Variants in TUBA8 observed in about 807,000 individuals in gnomAD.
TUBA8 encodes the protein tubulin alpha 8, also known as tubulin alpha-8 chain.
TUBA8 carries 29 observed loss-of-function variants against 34.7 expected under a neutral mutation model. The observed-to-expected ratio is 0.84, with a 90% CI of 0.62 to 1.14. The LOEUF is 1.14. Ranked by LOEUF, TUBA8 falls within the 50% of genes most tolerant of loss-of-function variation. The pLI is 0.00. For missense variants in TUBA8, 541 were observed against 599.2 expected (o/e 0.90, Z 1.01); for synonymous variants, 226 against 231.2 (o/e 0.98, Z 0.21).
At position 18,118,272 on chromosome 22, in the gene TUBA8, T is replaced by A. The variant is rs1928037479; in HGVS notation, c.4-3207T>A. ...AATCTATTATTCGGTCCACATTGCTTAGCAGACATTCTTCAATTAAAGAAA... is the reference window on the plus strand; with the variant it reads ...AATCTATTATTCGGTCCACATTGCTAAGCAGACATTCTTCAATTAAAGAAA... On this transcript the variant is annotated intron_variant, in intron 1 of 4. Coordinates refer to ENST00000330423, the MANE Select transcript of TUBA8 (RefSeq NM_018943.3). This position sits in a 1 kb window ranked among gnomAD's most constrained non-coding sequence, Gnocchi z 4.0. The A allele has an allele frequency of 6.6e-6, 1 of 152,210 alleles. No individual in the cohort carries two copies. Among genetic ancestry groups the A allele is most frequent in the African/African-American group, 2.4e-5 (1 of 41,432 alleles). 9.4% of individuals were successfully genotyped at this position (152,210 alleles called of 1,614,324 possible).
rs913310733 is a variant in TUBA8 at position 18,121,708 on chromosome 22, G to T, written c.226+7G>T. On this transcript the variant is annotated splice_region_variant and intron_variant, in intron 2 of 4. Transcript: ENST00000330423. The surrounding 1 kb of genome is among the most constrained non-coding windows in gnomAD (Gnocchi z 4.8). ...CTGGAGCCTACTGTAGTGGGTGAGT[G>T]GGGGCGGAGTTCCCCTCCACAGAGA... 2 of 1,613,302 alleles carry T rather than the reference G, an allele frequency of 1.2e-6. No homozygotes were observed. Among genetic ancestry groups the T allele is most frequent in the Non-Finnish European group, 1.7e-6 (2 of 1,179,458 alleles).
rs1446520468 is a variant in TUBA8 at position 18,122,639 on chromosome 22, C to T, written c.226+938C>T. ...GCTCTTGCTCCTCTATGACTTGGAA[C>T]ATAGCTTTGCTTCCCATTATTCTAA... On this transcript the variant is annotated intron_variant, in intron 2 of 4. Transcript: ENST00000330423. 2.6e-5 allele frequency: 4 copies of T among 152,110 alleles called. No individual in the cohort carries two copies. In the East Asian group the frequency reaches 7.7e-4, roughly 29 times the overall value. 9.4% of individuals were successfully genotyped at this position (152,110 alleles called of 1,614,324 possible). A position where few individuals can be genotyped will look rare whatever the true frequency, so the allele number is the denominator to read the frequency against.
Position 18,130,961 on chromosome 22 carries a change from A to G in TUBA8, c.1175A>G (p.Asp392Gly). Residue 392 changes from aspartate to glycine, a missense_variant, in exon 5 of 5, where the codon GAC becomes GGC. By Grantham distance (94) the Asp-to-Gly change is moderately conservative. Transcript: ENST00000330423. ...ATTGCGGAGGCCTGGGCCCGCCTCG[A>G]CCACAAGTTCGACCTCATGTACGCC... ...TAIAEAWARL[D>G]HKFDLMYAKR... 6.2e-7 allele frequency: 1 copy of G among 1,614,094 alleles called. No individual in the cohort carries two copies. Among genetic ancestry groups the G allele is most frequent in the Non-Finnish European group, 8.5e-7 (1 of 1,180,030 alleles).
intron 4 of TUBA8, chr22:18,128,589 C>T (rs112323376): frequency 0.023 from 3,455 of 152,262 alleles, 97 homozygotes; most frequent in South Asian, 0.13. Flanking sequence ...CTCTGTTGCC[C>T]GGGCTGGAGT....
In TUBA8 at chr22:18,121,682, T is replaced by A. The variant is rs746208940; in HGVS notation, c.207T>A (p.Asp69Glu). ...ATGTGCCCCGGGCCGTCATGATAGATCTGGAGCCTACTGTAGTGGGTGAGT... is the reference window on the plus strand; with the variant it reads ...ATGTGCCCCGGGCCGTCATGATAGAACTGGAGCCTACTGTAGTGGGTGAGT... ...GKHVPRAVMI[D>E]LEPTVVDEVR... is the part of the protein sequence containing the mutation. The change falls in exon 2 of 5, where the codon GAT (aspartate) becomes GAA (glutamate). Residue 69 changes from aspartate (D) to glutamate (E), a missense_variant. Physicochemically the swap from Asp to Glu is conservative, Grantham distance 45. Coordinates refer to ENST00000330423, the MANE Select transcript of TUBA8 (RefSeq NM_018943.3). This position sits in a 1 kb window ranked among gnomAD's most constrained non-coding sequence, Gnocchi z 4.8. 1 of 1,614,154 alleles carries A rather than the reference T, an allele frequency of 6.2e-7. No individual in the cohort carries two copies.
In TUBA8 at chr22:18,119,359, GC is replaced by G. The variant is rs1602492544; in HGVS notation, c.4-2119del. On this transcript the variant is annotated intron_variant, in intron 1 of 4. Transcript: ENST00000330423. This position sits in a 1 kb window ranked among gnomAD's most constrained non-coding sequence, Gnocchi z 5.9. Reference sequence around the variant, plus strand: ...GGACCTGAGAGCTCCCTCTACGTGTGCTACTTCCCGGTGCAGAAAAATGCTA... The same window carrying G: ...GGACCTGAGAGCTCCCTCTACGTGTGTACTTCCCGGTGCAGAAAAATGCTA... 1 of 152,210 alleles carries G rather than the reference GC, an allele frequency of 6.6e-6. No individual in the cohort carries two copies. Among genetic ancestry groups the G allele is most frequent in the East Asian group, 1.9e-4 (1 of 5,198 alleles). The allele number at this position is 152,210 out of a possible 1,614,324, so 9.4% of individuals were successfully genotyped here. A position where few individuals can be genotyped will look rare whatever the true frequency, so the allele number is the denominator to read the frequency against.
chr22:18,130,742 G>T (rs1263020417), intron 4 of TUBA8, 101 bp from the exon 5 acceptor site: 4 of 1,522,656 alleles, frequency 2.6e-6, no homozygotes, highest in South Asian at 2.3e-5. Flanking sequence ...CCCTGACCAT[G>T]ACTTGAAGCC....
At position 18,118,994 on chromosome 22, in the gene TUBA8, G is replaced by GC. The variant is rs1928060594; in HGVS notation, c.4-2485_4-2484insC. ...GTTCCAGAAGTGAGAGCAGGCTGGGGGCCGGGCAGCACTGTAGGCAGGACT... is the reference window on the plus strand; with the variant it reads ...GTTCCAGAAGTGAGAGCAGGCTGGGGCGCCGGGCAGCACTGTAGGCAGGACT... On this transcript the variant is annotated intron_variant, in intron 1 of 4. Coordinates refer to ENST00000330423, the MANE Select transcript of TUBA8 (RefSeq NM_018943.3). The surrounding 1 kb of genome is among the most constrained non-coding windows in gnomAD (Gnocchi z 4.0). 6.6e-6 allele frequency: 1 copy of GC among 152,406 alleles called. No homozygotes were observed. Among genetic ancestry groups the GC allele is most frequent in the South Asian group, 2.1e-4 (1 of 4,830 alleles). The allele number at this position is 152,406 out of a possible 1,614,324, so 9.4% of individuals were successfully genotyped here.
In TUBA8 at chr22:18,126,051, C is replaced by T. The variant is rs766287552; in HGVS notation, c.376-303C>T. 47 of 406,722 alleles carry T rather than the reference C, an allele frequency of 1.2e-4. No individual in the cohort carries two copies. Among genetic ancestry groups the T allele is most frequent in the Non-Finnish European group, 1.9e-4 (42 of 220,388 alleles). The allele number at this position is 406,722 out of a possible 1,614,324, so 25.2% of individuals were successfully genotyped here. On this transcript the variant is annotated intron_variant, in intron 3 of 4. Transcript: ENST00000330423. The surrounding 1 kb of genome is among the most constrained non-coding windows in gnomAD (Gnocchi z 4.0). ...TAACTTTTAAAATTTTTTGTAGATG[C>T]GAGGTCTCACTATGTTGCCCATGCT...
chr22:18,121,819 C>T lies in TUBA8; in HGVS notation c.226+118C>T. ...GAAGGTGGGGATGGTGCAACCGCAG[C>T]CTCCCACCCCACGTGACATCTGTCA... On this transcript the variant is annotated intron_variant, in intron 2 of 4. Coordinates refer to ENST00000330423, the MANE Select transcript of TUBA8 (RefSeq NM_018943.3). This position sits in a 1 kb window ranked among gnomAD's most constrained non-coding sequence, Gnocchi z 4.8. The T allele has an allele frequency of 3.2e-6, 3 of 942,734 alleles. No homozygotes were observed. Among genetic ancestry groups the T allele is most frequent in the Non-Finnish European group, 4.9e-6 (3 of 615,572 alleles). 58.4% of individuals were successfully genotyped at this position (942,734 alleles called of 1,614,324 possible).
chr22:18,127,567 GTA>G (rs1928371061), intron 4 of TUBA8: 1 of 155,590 alleles, frequency 6.4e-6, no homozygotes, highest in South Asian at 2.0e-4. Flanking sequence ...CTAATTTTTT[GTA>G]TGTTTAGTAG....
chr22:18,128,035 T>C (rs1339068112), intron 4 of TUBA8: 2 of 152,210 alleles, frequency 1.3e-5, no homozygotes, highest in East Asian at 3.8e-4. Context: ...TTGTACAGCA[T>C]GATTTTGTGG....
chr22:18,117,968 G>C (rs1928026308), intron 1 of TUBA8: 1 of 152,176 alleles, frequency 6.6e-6, no homozygotes, highest in Admixed American at 6.5e-5. Flanking sequence ...GATGAGGGCT[G>C]AGTATTTTTG....
In TUBA8 at chr22:18,131,357, G is replaced by A; in HGVS notation, c.*221G>A. ...GAGCAGCTTTGTGTCACTAAAGAAAGTGAGGGCCACTGTCTCCGGCGGGTG... is the reference window on the plus strand; with the variant it reads ...GAGCAGCTTTGTGTCACTAAAGAAAATGAGGGCCACTGTCTCCGGCGGGTG... On this transcript the variant is annotated 3_prime_UTR_variant, in exon 5 of 5. Coordinates refer to ENST00000330423, the MANE Select transcript of TUBA8 (RefSeq NM_018943.3). This position sits in a 1 kb window ranked among gnomAD's most constrained non-coding sequence, Gnocchi z 5.3. The A allele has an allele frequency of 3.5e-6, 2 of 571,698 alleles. No homozygotes were observed. The highest frequency in any genetic ancestry group is 6.2e-6 in the Non-Finnish European group (2 of 320,490). 35.4% of individuals were successfully genotyped at this position (571,698 alleles called of 1,614,324 possible). A position where few individuals can be genotyped will look rare whatever the true frequency, so the allele number is the denominator to read the frequency against.
rs1928139080 is a variant in TUBA8, at chr22:18,121,364, T to G, written c.4-115T>G. On this transcript the variant is annotated intron_variant, in intron 1 of 4. Coordinates refer to ENST00000330423, the MANE Select transcript of TUBA8 (RefSeq NM_018943.3). This position sits in a 1 kb window ranked among gnomAD's most constrained non-coding sequence, Gnocchi z 4.8. Reference sequence around the variant, plus strand: ...GGGCACCTGCAGCCTCAACGCCAACTGGCAATGGGGGGCTGGGGCCTGGCT... The same window carrying G: ...GGGCACCTGCAGCCTCAACGCCAACGGGCAATGGGGGGCTGGGGCCTGGCT... 3 of 902,866 alleles carry G rather than the reference T, an allele frequency of 3.3e-6. No individual in the cohort carries two copies. In the African/African-American group the frequency reaches 4.9e-5, roughly 15 times the overall value. 55.9% of individuals were successfully genotyped at this position (902,866 alleles called of 1,614,324 possible).
chr22:18,114,562 C>T lies in TUBA8; in HGVS notation c.3+3694C>T, dbSNP rs150193900. 481 of 152,382 alleles carry T rather than the reference C, an allele frequency of 3.2e-3. 3 individuals carry two copies. Among genetic ancestry groups the T allele is most frequent in the Non-Finnish European group, 5.7e-3 (390 of 68,060 alleles). The allele number at this position is 152,382 out of a possible 1,614,324, so 9.4% of individuals were successfully genotyped here. A position where few individuals can be genotyped will look rare whatever the true frequency, so the allele number is the denominator to read the frequency against. The stretch of plus-strand genomic sequence containing the variant: ...TTCAGCAGCCCTTCAGGAGCCACAT[C>T]TGTCCTTACTTTAATTACCCCTCTG... On this transcript the variant is annotated intron_variant, in intron 1 of 4. Coordinates refer to ENST00000330423, the MANE Select transcript of TUBA8 (RefSeq NM_018943.3).
At chr22:18,128,270 C>T (rs941195502) in intron 4 of TUBA8, 3 of 152,222 alleles carry the variant, frequency 2.0e-5, no homozygotes, top group African/African-American at 7.2e-5. Flanking sequence ...AGCCGTGTGG[C>T]TGGTGGTAAC....
In TUBA8 at chr22:18,121,334, A is replaced by G; in HGVS notation, c.4-145A>G. 2 of 699,408 alleles carry G rather than the reference A, an allele frequency of 2.9e-6. No homozygotes were observed. The highest frequency in any genetic ancestry group is 5.2e-6 in the Non-Finnish European group (2 of 381,888). The allele number at this position is 699,408 out of a possible 1,614,324, so 43.3% of individuals were successfully genotyped here. A position where few individuals can be genotyped will look rare whatever the true frequency, so the allele number is the denominator to read the frequency against. Reference sequence around the variant, plus strand: ...CTAAGTCCTGGTCCAGCTGCTATAGAGCTGGGGCACCTGCAGCCTCAACGC... The same window carrying G: ...CTAAGTCCTGGTCCAGCTGCTATAGGGCTGGGGCACCTGCAGCCTCAACGC... On this transcript the variant is annotated intron_variant, in intron 1 of 4. Coordinates refer to ENST00000330423, the MANE Select transcript of TUBA8 (RefSeq NM_018943.3). The surrounding 1 kb of genome is among the most constrained non-coding windows in gnomAD (Gnocchi z 4.8).
At chr22:18,127,357 G>T in intron 4 of TUBA8, 17 of 231,926 alleles carry the variant, frequency 7.3e-5, no homozygotes, top group South Asian at 4.5e-4. Flanking sequence ...TGCTTTTGGT[G>T]TTCATGATTT....
Sources: gnomAD v4.1 joint callset for allele counts on GRCh38, gnomAD v4.1.1 for gene constraint, Gnocchi (gnomAD v3.1) non-coding constraint, MANE v1.5 for transcripts, NCBI Gene and HGNC (gene_info 2026-07-23, HGNC 2026-07-21) for gene names.